FAT4: variants seen among roughly 807,000 people sequenced by gnomAD.
FAT4 encodes protocadherin Fat 4.
Under a neutral mutation model 303.9 loss-of-function variants are expected in FAT4, and 84 were observed. The ratio of observed to expected loss-of-function variants is 0.28; its 90% confidence interval spans 0.23 to 0.33. The LOEUF (loss-of-function observed/expected upper bound fraction) is 0.33, where lower values mean the gene tolerates loss of function less well. FAT4 is among the 10% of genes least tolerant of loss of function. The pLI is 1.00. For missense variants in FAT4, 6,005 were observed against 6,146.8 expected, an observed-to-expected ratio of 0.98 and a Z score of 0.77; for synonymous variants, 2,307 against 2,298.8, an observed-to-expected ratio of 1.00 and a Z score of -0.10.
intron 2 of FAT4, among the ~76,000 whole-genome samples, chr4:125,395,298 G>A (rs2126010054): frequency 6.6e-6 from 1 of 152,104 alleles, no homozygotes; most frequent in African/African-American, 2.4e-5. Flanking sequence ...GGAATATGAA[G>A]TTATTCACTT....
intron 2 of FAT4, among the ~76,000 whole-genome samples, chr4:125,362,587 T>G (rs1344616011): frequency 2.6e-5 from 4 of 152,164 alleles, no homozygotes; most frequent in Admixed American, 6.6e-5. Flanking sequence ...AGATTTACAT[T>G]TACTGTTTGG....
Position 125,359,498 on chromosome 4 carries a change from G to C in FAT4, c.5175+37912G>C, listed in dbSNP as rs561096808. Among the ~76,000 whole-genome samples the C allele has an allele frequency of 3.0e-4, 46 of 152,226 alleles. 1 individual carries two copies. In the South Asian group the frequency reaches 9.1e-3, roughly 30 times the overall value. On this transcript the variant is annotated intron_variant, in intron 2 of 17. Transcript: ENST00000394329. ...AAATGCAAATAATTTAATTCGCTGT[G>C]ATTTATAATACTGTTACTCAGTAAA... is the stretch of plus-strand genomic sequence containing the variant.
At chr4:125,373,307 G>A (rs1733195405) in intron 2 of FAT4, among the ~76,000 whole-genome samples, 2 of 152,010 alleles carry the variant, frequency 1.3e-5, no homozygotes, top group South Asian at 2.1e-4. Context: ...GTTAATATGA[G>A]GAATATTCTT....
chr4:125,465,921 T>C (rs1388694001), intron 11 of FAT4, among the ~76,000 whole-genome samples: 1 of 152,156 alleles, frequency 6.6e-6, no homozygotes, highest in Non-Finnish European at 1.5e-5. Flanking sequence ...ATTTTTGTTC[T>C]CAAATGGAAT....
chr4:125,317,088 G>T lies in FAT4; in HGVS notation c.677G>T (p.Gly226Val). ...YQLLVEVEDK[G>V]EPKRRGYLQV... ...CTCCTGGTTGAGGTGGAGGACAAGG[G>T]TGAGCCTAAGCGGCGGGGCTACCTT... The change falls in exon 2 of 18, where the codon GGT becomes GTT. Residue 226 changes from glycine to valine, a missense_variant. Coordinates refer to ENST00000394329, the MANE Select transcript of FAT4 (RefSeq NM_001291303.3). This position sits in a 1 kb window ranked among gnomAD's most constrained non-coding sequence, Gnocchi z 7.0. 6.2e-7 allele frequency: 1 copy of T among 1,613,978 alleles called. No individual in the cohort carries two copies. The highest frequency in any genetic ancestry group is 8.5e-7 in the Non-Finnish European group (1 of 1,180,038).
intron 2 of FAT4, among the ~76,000 whole-genome samples, chr4:125,382,775 T>C (rs963959741): frequency 6.6e-6 from 1 of 152,230 alleles, no homozygotes; most frequent in Non-Finnish European, 1.5e-5. Flanking sequence ...TTCATCTACA[T>C]TGAAAATCTG....
chr4:125,338,849 T>C lies in FAT4; in HGVS notation c.5175+17263T>C, dbSNP rs373841418. 9.8e-5 allele frequency among the ~76,000 whole-genome samples: 15 copies of C among 152,350 alleles called. No homozygotes were observed. In the East Asian group the frequency reaches 2.7e-3, roughly 27 times the overall value. ...ATCAGGCAAATTATACCCACCTTTA[T>C]TCTTCTGTTTTTAAAATACTGAATA... On this transcript the variant is annotated intron_variant, in intron 2 of 17. Transcript: ENST00000394329.
At position 125,452,219 on chromosome 4, in the gene FAT4, C is replaced by A. The variant is rs747382793; in HGVS notation, c.11209C>A (p.Arg3737Ser). ...GACCAACCACTATCTTCATTTTTTA[C>A]GCATTGCCAGCTCACAGCTGACAGG... Reference protein sequence around the residue: ...FLTNHYLHFLRIASSQLTGLG... With the variant: ...FLTNHYLHFLSIASSQLTGLG... Residue 3737 changes from arginine to serine, a missense_variant, in exon 10 of 18, where the codon CGC becomes AGC. Physicochemically the swap from Arg to Ser is moderately radical, Grantham distance 110 (BLOSUM62 -1). Transcript: ENST00000394329. 6.2e-7 allele frequency: 1 copy of A among 1,614,218 alleles called. No individual in the cohort carries two copies. Among genetic ancestry groups the A allele is most frequent in the Non-Finnish European group, 8.5e-7 (1 of 1,180,030 alleles).
At chr4:125,444,035 TTTGC>T (rs1478662936) in intron 8 of FAT4, among the ~76,000 whole-genome samples, 1 of 152,148 alleles carries the variant, frequency 6.6e-6, no homozygotes, top group African/African-American at 2.4e-5. Context: ...TTAATGACTA[TTTGC>T]TCATTCATTT....
At chr4:125,464,171 C>T (rs1005039185) in intron 11 of FAT4, among the ~76,000 whole-genome samples, 10 of 152,186 alleles carry the variant, frequency 6.6e-5, no homozygotes, top group South Asian at 2.1e-4. Flanking sequence ...CTGACGTTTT[C>T]ATAATAGGCT....
At position 125,440,610 on chromosome 4, in the gene FAT4, T is replaced by TGTGTGTGTGTGTGAGAGAGA. The variant is rs372756130; in HGVS notation, c.7200-5682_7200-5681insTGTGTGTGTGTGAGAGAGAG. Among the ~76,000 whole-genome samples, 276 of 75,746 alleles carry TGTGTGTGTGTGTGAGAGAGA rather than the reference T, an allele frequency of 3.6e-3. 2 individuals are homozygous for TGTGTGTGTGTGTGAGAGAGA. The highest frequency in any genetic ancestry group is 0.014 in the African/African-American group (247 of 17,262). 49.7% of individuals were successfully genotyped at this position (75,746 alleles called of 152,430 possible). ...GTGTGTGTGTGTGTGTGTGTGTGTGTGAGAGAGAGAGAGAGAGAGAGAGAG... is the reference window on the plus strand; with the variant it reads ...GTGTGTGTGTGTGTGTGTGTGTGTGTGTGTGTGTGTGTGAGAGAGAGAGAGAGAGAGAGAGAGAGAGAGAG... On this transcript the variant is annotated intron_variant, in intron 8 of 17. Coordinates refer to ENST00000394329, the MANE Select transcript of FAT4 (RefSeq NM_001291303.3).
intron 2 of FAT4, among the ~76,000 whole-genome samples, chr4:125,350,141 A>T (rs1368581145): frequency 6.9e-6 from 1 of 144,782 alleles, no homozygotes; most frequent in Non-Finnish European, 1.5e-5. Context: ...AGGAATACAA[A>T]GTAATGGTAA....
intron 8 of FAT4, among the ~76,000 whole-genome samples, chr4:125,439,121 G>A (rs948429904): frequency 3.3e-5 from 5 of 152,132 alleles, no homozygotes; most frequent in Middle Eastern, 3.4e-3. Context: ...TAGAAAATCA[G>A]ACTGTATTAA....
At chr4:125,405,432 G>T (rs1259408118) in intron 3 of FAT4, among the ~76,000 whole-genome samples, 5 of 151,776 alleles carry the variant, frequency 3.3e-5, no homozygotes, top group Non-Finnish European at 7.4e-5. Flanking sequence ...ATGCCAACAG[G>T]TGTGAGGTGA....
Position 125,448,602 on chromosome 4 carries a change from A to G in FAT4, c.7592A>G (p.Asn2531Ser). 6.2e-7 allele frequency: 1 copy of G among 1,613,956 alleles called. No homozygotes were observed. Among genetic ancestry groups the G allele is most frequent in the Non-Finnish European group, 8.5e-7 (1 of 1,179,902 alleles). Residue 2531 changes from asparagine (N) to serine (S), a missense_variant, in exon 10 of 18, where the codon AAC becomes AGC. By Grantham distance (46) the Asn-to-Ser change is conservative. Transcript: ENST00000394329. ...GCCATTATGGCCGCCGGACCACTAA[A>G]CGGAGCTTCAGAAGTGACATTTTCT... ...RGAIMAAGPL[N>S]GASEVTFSVH...
chr4:125,445,122 A>G (rs2390840), intron 8 of FAT4, among the ~76,000 whole-genome samples: 151,200 of 152,234 alleles, frequency 0.99, 75,091 homozygotes, highest in Middle Eastern at 1. Flanking sequence ...TCTGAGTGAC[A>G]CAAAGTATTT....
chr4:125,326,841 A>G (rs1160459989), intron 2 of FAT4, among the ~76,000 whole-genome samples: 5 of 152,166 alleles, frequency 3.3e-5, no homozygotes, highest in African/African-American at 1.2e-4. Context: ...CCTGGGCAAC[A>G]TGGTAAAACC....
At chr4:125,363,678 T>C (rs1732757268) in intron 2 of FAT4, among the ~76,000 whole-genome samples, 1 of 151,988 alleles carries the variant, frequency 6.6e-6, no homozygotes, top group Non-Finnish European at 1.5e-5. Context: ...TGTATTTTAG[T>C]AGAGACGGGG....
At chr4:125,364,913 TGAAAA>T (rs1732807342) in intron 2 of FAT4, among the ~76,000 whole-genome samples, 1 of 152,144 alleles carries the variant, frequency 6.6e-6, no homozygotes, top group Non-Finnish European at 1.5e-5. Context: ...TCTGGCTACA[TGAAAA>T]GAAAACAGTT....
Sources: gnomAD v4.1 joint callset for allele counts (sites outside exome capture counted in the v4.1 genomes callset) on GRCh38, gnomAD v4.1.1 for gene constraint, Gnocchi (gnomAD v3.1) non-coding constraint, MANE v1.5 for transcripts, NCBI Gene and HGNC (gene_info 2026-07-23, HGNC 2026-07-21) for gene names.